Variants in IL1RAPL1 observed in about 807,000 individuals in gnomAD.
IL1RAPL1 encodes the protein interleukin 1 receptor accessory protein like 1, also known as interleukin-1 receptor accessory protein-like 1.
In IL1RAPL1, 3 loss-of-function variants were observed where a neutral mutation model predicts 48.4. The observed-to-expected ratio is 0.06, with a 90% CI of 0.03 to 0.16. The LOEUF (loss-of-function observed/expected upper bound fraction) is 0.16. Among genes scored for constraint, IL1RAPL1 ranks in the 10% least tolerant of loss-of-function variants. The pLI, the probability that IL1RAPL1 is intolerant of heterozygous loss-of-function variation, is 1.00. For missense variants in IL1RAPL1, 349 were observed against 530.6 expected (o/e 0.66, Z 3.36); for synonymous variants, 185 against 187.7 (o/e 0.99, Z 0.12).
intron 6 of IL1RAPL1, among the ~76,000 whole-genome samples, chrX:29,869,804 T>G (rs1199915412): frequency 4.6e-5 from 5 of 108,282 alleles, no homozygotes; most frequent in African/African-American, 1.7e-4. Context: ...ATAGGAAAAA[T>G]GGGAAATTAA....
At chrX:28,923,888 G>A (rs1310491254) in intron 2 of IL1RAPL1, among the ~76,000 whole-genome samples, 4 of 111,787 alleles carry the variant, frequency 3.6e-5, no homozygotes, top group Non-Finnish European at 7.5e-5. Context: ...TTCAAAGCAT[G>A]TAATAAGAAT....
At chrX:29,099,044 C>T (rs1446682002) in intron 2 of IL1RAPL1, among the ~76,000 whole-genome samples, 18 of 110,763 alleles carry the variant, frequency 1.6e-4, no homozygotes, top group Non-Finnish European at 2.8e-4. Context: ...CCCAGCTACT[C>T]GGGAGGCTGA....
chrX:28,819,977 T>G (rs1286619100), intron 2 of IL1RAPL1, among the ~76,000 whole-genome samples: 48 of 57,441 alleles, frequency 8.4e-4, no homozygotes, highest in African/African-American at 4.5e-3. Flanking sequence ...GATATATATA[T>G]ATATATATAT....
At chrX:29,685,827 A>T (rs772293588) in intron 6 of IL1RAPL1, among the ~76,000 whole-genome samples, 1 of 106,579 alleles carries the variant, frequency 9.4e-6, no homozygotes, top group East Asian at 3.1e-4. Flanking sequence ...TCTACTAAAA[A>T]TACAAAAATT....
At chrX:29,232,837 C>T (rs768692104) in intron 2 of IL1RAPL1, among the ~76,000 whole-genome samples, 95 of 109,941 alleles carry the variant, frequency 8.6e-4, no homozygotes, top group African/African-American at 2.8e-3. Context: ...CTTGCTCTGT[C>T]GCCCAGGCTG....
At chrX:29,243,428 A>C (rs904228278) in intron 2 of IL1RAPL1, among the ~76,000 whole-genome samples, 2 of 111,699 alleles carry the variant, frequency 1.8e-5, no homozygotes, top group African/African-American at 6.5e-5. Flanking sequence ...TATTAGGTCA[A>C]GCACTCATGG....
At chrX:28,910,966 G>A (rs1372714316) in intron 2 of IL1RAPL1, among the ~76,000 whole-genome samples, 1 of 111,236 alleles carries the variant, frequency 9.0e-6, no homozygotes, top group Admixed American at 9.6e-5. Context: ...TCAATCTGTT[G>A]ACACAGTCAT....
chrX:29,025,277 GT>G (rs1322052679), intron 2 of IL1RAPL1, among the ~76,000 whole-genome samples: 1 of 112,103 alleles, frequency 8.9e-6, no homozygotes, highest in Non-Finnish European at 1.9e-5. Context: ...ATGTCCAAGT[GT>G]GGACGTATGT....
At chrX:29,451,289 G>A (rs1435368912) in intron 5 of IL1RAPL1, among the ~76,000 whole-genome samples, 11 of 109,288 alleles carry the variant, frequency 1.0e-4, no homozygotes, top group Non-Finnish European at 1.9e-5. Flanking sequence ...CCACTTCCCA[G>A]GTTCAAGCGA....
intron 6 of IL1RAPL1, among the ~76,000 whole-genome samples, chrX:29,729,403 C>A (rs764152493): frequency 8.9e-6 from 1 of 111,796 alleles, no homozygotes; most frequent in Non-Finnish European, 1.9e-5. Context: ...AAACGTAGAC[C>A]TGTGCTTTAT....
At chrX:29,701,874 G>A (rs896298600) in intron 6 of IL1RAPL1, among the ~76,000 whole-genome samples, 1 of 111,747 alleles carries the variant, frequency 8.9e-6, no homozygotes, top group Admixed American at 9.5e-5. Flanking sequence ...AGGGCTAGAG[G>A]AAGGCAAGAG....
chrX:29,319,836 G>T (rs1223794505), intron 3 of IL1RAPL1, among the ~76,000 whole-genome samples: 1 of 110,699 alleles, frequency 9.0e-6, no homozygotes, highest in East Asian at 2.8e-4. Flanking sequence ...TAATTTCTGT[G>T]GTTCTCATGA....
At chrX:29,650,645 AG>A (rs1416973053) in intron 5 of IL1RAPL1, among the ~76,000 whole-genome samples, 1 of 111,315 alleles carries the variant, frequency 9.0e-6, no homozygotes, top group Admixed American at 9.5e-5. Flanking sequence ...TTAAAGACAA[AG>A]GTAAGACCCA....
chrX:29,807,657 G>T (rs185979219), intron 6 of IL1RAPL1, among the ~76,000 whole-genome samples: 1,763 of 101,166 alleles, frequency 0.017, 62 homozygotes, highest in Admixed American at 0.11. Flanking sequence ...AAATGAAAGG[G>T]AGGATCCTTA....
chrX:29,705,071 A>T (rs1370794536), intron 6 of IL1RAPL1, among the ~76,000 whole-genome samples: 1 of 111,896 alleles, frequency 8.9e-6, no homozygotes, highest in Non-Finnish European at 1.9e-5. Flanking sequence ...TTCATCGTTC[A>T]ATATTAATAA....
intron 5 of IL1RAPL1, among the ~76,000 whole-genome samples, chrX:29,418,321 T>C (rs1048652188): frequency 3.8e-5 from 4 of 106,328 alleles, no homozygotes; most frequent in Admixed American, 1.0e-4. Context: ...AGAGATGGGG[T>C]TTCACCATGT....
At chrX:29,366,061 A>C (rs1312280043) in intron 3 of IL1RAPL1, among the ~76,000 whole-genome samples, 1 of 110,309 alleles carries the variant, frequency 9.1e-6, no homozygotes, top group Non-Finnish European at 1.9e-5. Flanking sequence ...AAAAAAAAAA[A>C]ATAGAAATGC....
intron 1 of IL1RAPL1, among the ~76,000 whole-genome samples, chrX:28,780,315 A>G (rs1039414473): frequency 1.3e-5 from 1 of 77,090 alleles, no homozygotes; most frequent in Non-Finnish European, 2.6e-5. Context: ...CATTCTTTCA[A>G]TCACAGTGTG....
chrX:28,927,007 A>T (rs1422280614), intron 2 of IL1RAPL1, among the ~76,000 whole-genome samples: 1 of 110,252 alleles, frequency 9.1e-6, no homozygotes, highest in Admixed American at 9.7e-5. Flanking sequence ...AAATCCTCCC[A>T]CCTCAGCTTC....
Sources: gnomAD v4.1 joint callset for allele counts (sites outside exome capture counted in the v4.1 genomes callset) on GRCh38, gnomAD v4.1.1 for gene constraint, MANE v1.5 for transcripts, NCBI Gene and HGNC (gene_info 2026-07-23, HGNC 2026-07-21) for gene names.